The following FBXW8 variants were observed in gnomAD, a reference collection of about 807,000 sequenced individuals.
FBXW8 encodes F-box and WD repeat domain containing 8.
In FBXW8, 57 loss-of-function variants were observed where a neutral mutation model predicts 65.3. The ratio of observed to expected loss-of-function variants is 0.87; its 90% CI spans 0.71 to 1.09. The LOEUF (loss-of-function observed/expected upper bound fraction) is 1.09, where lower values mean the gene tolerates loss of function less well. FBXW8 is among the 50% of genes least tolerant of loss of function. The pLI, the probability that FBXW8 is intolerant of heterozygous loss-of-function variation, is 0.00. For missense variants in FBXW8, 777 were observed against 814.8 expected (o/e 0.95, Z 0.57); for synonymous variants, 308 against 330.2 (o/e 0.93, Z 0.73).
chr12:116,976,118 C>G (rs1555221898), intron 5 of FBXW8, among the ~76,000 whole-genome samples: 1 of 151,984 alleles, frequency 6.6e-6, no homozygotes, highest in Non-Finnish European at 1.5e-5. Context: ...ATTTCAAAAT[C>G]AAAAAAGACT....
At chr12:116,915,640 CTTTTTTTTTT>C (rs57687048) in intron 1 of FBXW8, among the ~76,000 whole-genome samples, 2 of 77,202 alleles carry the variant, frequency 2.6e-5, no homozygotes, top group African/African-American at 1.1e-4. Context: ...CACCTGACTA[CTTTTTTTTTT>C]TTTTTTTTTT....
intron 1 of FBXW8, among the ~76,000 whole-genome samples, chr12:116,922,579 A>G (rs901296376): frequency 6.6e-6 from 1 of 152,198 alleles, no homozygotes; most frequent in Non-Finnish European, 1.5e-5. Flanking sequence ...CTGTTCTTCT[A>G]TTAAACAAGA....
intron 5 of FBXW8, among the ~76,000 whole-genome samples, chr12:116,970,546 T>C (rs1479807845): frequency 2.0e-5 from 3 of 152,200 alleles, no homozygotes; most frequent in Non-Finnish European, 4.4e-5. Flanking sequence ...TAGGACCATG[T>C]TTTAGTTAGA....
At chr12:116,962,160 G>A (rs536952751) in intron 4 of FBXW8, among the ~76,000 whole-genome samples, 31 of 152,288 alleles carry the variant, frequency 2.0e-4, no homozygotes, top group African/African-American at 3.4e-4. Context: ...GATTTTAGAC[G>A]TGTGGAGTCA....
At chr12:116,960,797 A>G (rs1424124708) in intron 4 of FBXW8, among the ~76,000 whole-genome samples, 1 of 152,198 alleles carries the variant, frequency 6.6e-6, no homozygotes, top group African/African-American at 2.4e-5. Context: ...TGAAGACTTT[A>G]CAGTCAAGTT....
At chr12:116,971,810 G>C (rs1431376587) in intron 5 of FBXW8, among the ~76,000 whole-genome samples, 1 of 152,130 alleles carries the variant, frequency 6.6e-6, no homozygotes, top group Non-Finnish European at 1.5e-5. Context: ...CTTTGTGTTT[G>C]AGGCTGTTGG....
At chr12:116,915,804 C>T (rs1271465601) in intron 1 of FBXW8, among the ~76,000 whole-genome samples, 2 of 151,862 alleles carry the variant, frequency 1.3e-5, no homozygotes, top group Admixed American at 1.3e-4. Context: ...AGGCATGCAC[C>T]ACCACGGCCT....
chr12:116,975,697 A>G (rs1164400388), intron 5 of FBXW8, among the ~76,000 whole-genome samples: 1 of 152,210 alleles, frequency 6.6e-6, no homozygotes, highest in Admixed American at 6.5e-5. Flanking sequence ...GTACCTCCTG[A>G]TACATAATGC....
At chr12:116,947,840 G>T (rs1273313979) in intron 3 of FBXW8, among the ~76,000 whole-genome samples, 2 of 152,152 alleles carry the variant, frequency 1.3e-5, no homozygotes, top group African/African-American at 2.4e-5. Flanking sequence ...TAGAGTAGGG[G>T]CTAGGAGTGG....
chr12:116,964,896 A>T (rs1884219430), intron 5 of FBXW8, 42 bp downstream of exon 5: 1 of 1,533,086 alleles, frequency 6.5e-7, no homozygotes, highest in Non-Finnish European at 8.7e-7. Flanking sequence ...GAAAAAAAAA[A>T]GCTTTACAAA....
intron 7 of FBXW8, among the ~76,000 whole-genome samples, chr12:117,001,740 A>G (rs1465928162): frequency 3.3e-5 from 5 of 152,174 alleles, no homozygotes; most frequent in Non-Finnish European, 5.9e-5. Context: ...AAGGATTTTC[A>G]GCTCCCAGTC....
At chr12:116,953,974 C>T (rs1342757846) in intron 4 of FBXW8, among the ~76,000 whole-genome samples, 4 of 151,606 alleles carry the variant, frequency 2.6e-5, no homozygotes, top group South Asian at 2.1e-4. Context: ...ATTAGCTGGG[C>T]GTGGTGGCGG....
chr12:116,973,284 C>T (rs1033637206), intron 5 of FBXW8, among the ~76,000 whole-genome samples: 1 of 152,042 alleles, frequency 6.6e-6, no homozygotes, highest in African/African-American at 2.4e-5. Flanking sequence ...GCAACCATCA[C>T]AGTAATAATT....
rs554042096 is a variant in FBXW8 at position 117,011,254 on chromosome 12, G to A, written c.1367+804G>A. On this transcript the variant is annotated intron_variant, in intron 8 of 10. Transcript: ENST00000652555. ...GGCCCGGCCCCGGGCTGCAGGTGGC[G>A]GGCTGCTCGGAGGCGGGTGTCAGAT... Among the ~76,000 whole-genome samples the A allele has an allele frequency of 5.9e-5, 9 of 151,840 alleles. No individual in the cohort carries two copies. In the South Asian group the frequency reaches 6.3e-4, roughly 11 times the overall value.
At chr12:116,990,425 C>T (rs906109951) in intron 7 of FBXW8, among the ~76,000 whole-genome samples, 1 of 152,172 alleles carries the variant, frequency 6.6e-6, no homozygotes, top group Admixed American at 6.5e-5. Context: ...TTTCCTTTCT[C>T]ATGCTCTAAA....
chr12:116,958,886 C>A (rs1185011741), intron 4 of FBXW8, among the ~76,000 whole-genome samples: 1 of 152,192 alleles, frequency 6.6e-6, no homozygotes, highest in East Asian at 1.9e-4. Context: ...CTTCAGAATC[C>A]TTCTCAACAC....
chr12:117,004,877 C>T (rs1214329947), intron 7 of FBXW8, among the ~76,000 whole-genome samples: 1 of 152,178 alleles, frequency 6.6e-6, no homozygotes, highest in African/African-American at 2.4e-5. Context: ...TCCTGGGTTT[C>T]GTGCTCTCTT....
chr12:116,971,998 A>G (rs1304037226), intron 5 of FBXW8, among the ~76,000 whole-genome samples: 2 of 152,358 alleles, frequency 1.3e-5, no homozygotes, highest in Non-Finnish European at 2.9e-5. Flanking sequence ...TGGGATAACT[A>G]TGCATTTTTG....
intron 5 of FBXW8, among the ~76,000 whole-genome samples, chr12:116,970,358 C>T (rs1264782836): frequency 6.6e-6 from 1 of 152,162 alleles, no homozygotes; most frequent in East Asian, 1.9e-4. Context: ...CCATCAAGCA[C>T]GGCAAAGTGG....
Sources: gnomAD v4.1 joint callset for allele counts (sites outside exome capture counted in the v4.1 genomes callset) on GRCh38, gnomAD v4.1.1 for gene constraint, MANE v1.5 for transcripts, NCBI Gene and HGNC (gene_info 2026-07-23, HGNC 2026-07-21) for gene names.